The following GSG1L variants were observed in gnomAD, a reference collection of about 807,000 sequenced individuals.
The protein encoded by GSG1L is germ cell-specific gene 1-like protein.
Under a neutral mutation model 42.1 loss-of-function variants are expected in GSG1L, and 24 were observed. That is an observed-to-expected ratio of 0.57 (90% CI 0.41 to 0.80). The LOEUF is 0.80. GSG1L is among the 30% of genes least tolerant of loss of function. GSG1L has a pLI of 0.00. For missense variants in GSG1L, 445 were observed against 472.2 expected (o/e 0.94, Z 0.53); for synonymous variants, 215 against 203.5 (o/e 1.06, Z -0.48).
intron 1 of GSG1L, among the ~76,000 whole-genome samples, chr16:28,051,003 C>G (rs1038401759): frequency 6.6e-6 from 1 of 152,174 alleles, no homozygotes; most frequent in African/African-American, 2.4e-5. Flanking sequence ...AATGGAAGCT[C>G]CATGAAACTA....
chr16:27,943,428 A>G (rs1413651649), intron 2 of GSG1L, among the ~76,000 whole-genome samples: 1 of 151,996 alleles, frequency 6.6e-6, no homozygotes, highest in Non-Finnish European at 1.5e-5. Context: ...TACATGATCA[A>G]CATAATGTCA....
intron 2 of GSG1L, among the ~76,000 whole-genome samples, chr16:27,926,831 A>G (rs867167551): frequency 2.6e-5 from 4 of 152,256 alleles, no homozygotes; most frequent in South Asian, 2.1e-4. Context: ...GCTGATGACA[A>G]TTAAGTGTCC....
chr16:27,823,873 C>T (rs1322037187), intron 5 of GSG1L: 10 of 702,844 alleles, frequency 1.4e-5, no homozygotes, highest in Non-Finnish European at 2.3e-5. Context: ...AGCTGTGTGA[C>T]CTGGGGCAAG....
chr16:27,987,216 CAA>C (rs36025627), intron 1 of GSG1L, among the ~76,000 whole-genome samples: 91,408 of 132,038 alleles, frequency 0.69, 30,005 homozygotes, highest in South Asian at 0.87. Flanking sequence ...AACTCCGTCT[CAA>C]AAAAAAAAAA....
intron 1 of GSG1L, among the ~76,000 whole-genome samples, chr16:28,052,034 G>T (rs77602921): frequency 1.3e-5 from 2 of 152,266 alleles, no homozygotes; most frequent in East Asian, 3.9e-4. Context: ...ATGTGTTTGG[G>T]AAAAGAGTCA....
At chr16:27,865,127 CA>C (rs60702288) in intron 3 of GSG1L, among the ~76,000 whole-genome samples, 2,529 of 152,248 alleles carry the variant, frequency 0.017, 67 homozygotes, top group African/African-American at 0.058. Flanking sequence ...GTCCAACTCT[CA>C]CCCCCACACT....
rs1231344126 is a variant in GSG1L at position 27,791,034 on chromosome 16, C to T, written c.*336G>A. On this transcript the variant is annotated 3_prime_UTR_variant, in exon 7 of 7. Coordinates refer to ENST00000447459, the MANE Select transcript of GSG1L (RefSeq NM_001109763.2). The stretch of plus-strand genomic sequence containing the variant: ...TCTGCCCCTCTGGGCACCTGACTGG[C>T]TTGTGGGTGCCAGCCATTCAGTGGC... The T allele has an allele frequency of 1.3e-5, 3 of 225,838 alleles. No individual in the cohort carries two copies. The highest frequency in any genetic ancestry group is 2.6e-5 in the Non-Finnish European group (3 of 116,312). The allele number at this position is 225,838 out of a possible 1,614,324, so 14.0% of individuals were successfully genotyped here.
intron 5 of GSG1L, among the ~76,000 whole-genome samples, chr16:27,827,870 CCATCCATCCATCCAT>C (rs1278250395): frequency 2.3e-5 from 2 of 85,136 alleles, no homozygotes; most frequent in Non-Finnish European, 5.4e-5. Flanking sequence ...ATCCATCCAT[CCATCCATCCATCCAT>C]CCATCCATCC....
At position 27,828,880 on chromosome 16, in the gene GSG1L, C is replaced by T. The variant is rs755903809; in HGVS notation, c.739G>A (p.Glu247Lys). ...AAGACCTTGCGCTTGTGCCGGAACT[C>T]AATGACCGTCTTGGTGTAGGAGTTG... ...TLNSYTKTVIEFRHKRKVFEQ... is the reference protein window; with the variant it reads ...TLNSYTKTVIKFRHKRKVFEQ... The change falls in exon 5 of 7, where the codon GAG becomes AAG. Residue 247 changes from glutamate (E) to lysine (K), a missense_variant. By Grantham distance (56) the Glu-to-Lys change is moderately conservative. Around this residue, in one of 3 missense-constraint regions of GSG1L, gnomAD observed 140 missense variants for 120.6 expected, o/e 1.16. Coordinates refer to ENST00000447459, the MANE Select transcript of GSG1L (RefSeq NM_001109763.2). The T allele has an allele frequency of 1.9e-6, 3 of 1,614,236 alleles. No individual in the cohort carries two copies. The East Asian group carries it at 6.7e-5, about 36-fold the overall frequency.
At chr16:27,972,461 G>A (rs958417205) in intron 1 of GSG1L, among the ~76,000 whole-genome samples, 1 of 152,188 alleles carries the variant, frequency 6.6e-6, no homozygotes, top group African/African-American at 2.4e-5. Flanking sequence ...TTGGCTTGCC[G>A]CTTTTAGAAG....
Position 27,983,484 on chromosome 16 carries a change from C to T in GSG1L, c.350-20281G>A, listed in dbSNP as rs192972649. On this transcript the variant is annotated intron_variant, in intron 1 of 6. Coordinates refer to ENST00000447459, the MANE Select transcript of GSG1L (RefSeq NM_001109763.2). The stretch of plus-strand genomic sequence containing the variant: ...TAAATGAGGTAATACATGTGAGGCA[C>T]GTGGTGCAGGACAAGGACTCAGTTT... 6.6e-5 allele frequency among the ~76,000 whole-genome samples: 10 copies of T among 152,306 alleles called. No individual in the cohort carries two copies. The East Asian group carries it at 7.7e-4, about 12-fold the overall frequency.
intron 1 of GSG1L, among the ~76,000 whole-genome samples, chr16:28,017,906 C>T (rs1037546603): frequency 6.6e-6 from 1 of 152,134 alleles, no homozygotes; most frequent in African/African-American, 2.4e-5. Flanking sequence ...GGGAGGGGCA[C>T]ACAAGGAATG....
intron 2 of GSG1L, among the ~76,000 whole-genome samples, chr16:27,948,219 C>G (rs2141092875): frequency 6.6e-6 from 1 of 152,290 alleles, no homozygotes; most frequent in East Asian, 1.9e-4. Context: ...CGCACATGAT[C>G]TTGGTTGGGA....
rs140077087 is a variant in GSG1L, at chr16:27,833,836, T to C, written c.663-4880A>G. Among the ~76,000 whole-genome samples the C allele has an allele frequency of 2.0e-5, 3 of 152,320 alleles. No individual in the cohort carries two copies. In the East Asian group the frequency reaches 5.8e-4, roughly 29 times the overall value. On this transcript the variant is annotated intron_variant, in intron 4 of 6. Coordinates refer to ENST00000447459, the MANE Select transcript of GSG1L (RefSeq NM_001109763.2). Reference sequence around the variant, plus strand: ...TTATTTATTAGGTCTAGGCAATTTTTTTGGTAGATTCCTTGAATTTGTCTA... The same window carrying C: ...TTATTTATTAGGTCTAGGCAATTTTCTTGGTAGATTCCTTGAATTTGTCTA...
At chr16:28,009,461 A>G (rs980245502) in intron 1 of GSG1L, among the ~76,000 whole-genome samples, 1 of 152,140 alleles carries the variant, frequency 6.6e-6, no homozygotes, top group Non-Finnish European at 1.5e-5. Flanking sequence ...GTGTGTGCTC[A>G]CCTGATTCCT....
In GSG1L at chr16:27,844,937, A is replaced by G; in HGVS notation, c.662+13T>C. 1 of 1,518,952 alleles carries G rather than the reference A, an allele frequency of 6.6e-7. No individual in the cohort carries two copies. Among genetic ancestry groups the G allele is most frequent in the Non-Finnish European group, 9.0e-7 (1 of 1,108,876 alleles). 94.1% of individuals were successfully genotyped at this position (1,518,952 alleles called of 1,614,324 possible). ...GGTGCCTGAAGCTGCTCTTGTCCTG[A>G]AGGTCCACTTACCAGAAGGACCACC... On this transcript the variant is annotated intron_variant, in intron 4 of 6. Coordinates refer to ENST00000447459, the MANE Select transcript of GSG1L (RefSeq NM_001109763.2).
intron 6 of GSG1L, among the ~76,000 whole-genome samples, chr16:27,792,740 C>T (rs1191132580): frequency 2.0e-5 from 3 of 152,126 alleles, no homozygotes; most frequent in African/African-American, 7.2e-5. Flanking sequence ...TGTATGCACC[C>T]CTGTGGACCA....
At chr16:27,888,482 C>CCTTTCTTTCTTT (rs57811717) in intron 2 of GSG1L, among the ~76,000 whole-genome samples, 14 of 68,948 alleles carry the variant, frequency 2.0e-4, no homozygotes, top group East Asian at 4.4e-4. Context: ...CTCTCTCTTT[C>CCTTTCTTTCTTT]CTTTCTTTCT....
At chr16:27,869,881 CTG>C (rs1467067241) in intron 3 of GSG1L, among the ~76,000 whole-genome samples, 1 of 134,958 alleles carries the variant, frequency 7.4e-6, no homozygotes, top group African/African-American at 2.7e-5. Flanking sequence ...CTCCATCTCT[CTG>C]TCTCTGTCTC....
Sources: gnomAD v4.1 joint callset for allele counts (sites outside exome capture counted in the v4.1 genomes callset) on GRCh38, gnomAD v4.1.1 for gene constraint, gnomAD v4.1.1 regional missense constraint, MANE v1.5 for transcripts, NCBI Gene and HGNC (gene_info 2026-07-23, HGNC 2026-07-21) for gene names.